The following RNF2 variants were observed in gnomAD, a reference collection of about 807,000 sequenced individuals.
The protein encoded by RNF2 is ring finger protein 2.
In RNF2, 6 loss-of-function variants were observed where a neutral mutation model predicts 37.2. That is an observed-to-expected ratio of 0.16 (90% CI 0.09 to 0.32). RNF2 has a LOEUF of 0.32. RNF2 is among the 10% of genes least tolerant of loss of function. RNF2 has a pLI of 1.00. For synonymous variants in RNF2, 133 were observed against 132.7 expected (o/e 1.00, Z -0.02); for missense variants, 251 against 404.0 (o/e 0.62, Z 3.25).
Position 185,067,504 on chromosome 1 carries a change from A to T in RNF2, c.-2-20048A>T, listed in dbSNP as rs143361528. On this transcript the variant is annotated intron_variant, in intron 1 of 6. Coordinates refer to ENST00000367510, the MANE Select transcript of RNF2 (RefSeq NM_007212.4). ...CATAAAAGGAAAAGAAAAATGCTAA[A>T]GATTGAGAGAGTTAATTTGATGTGA... Among the ~76,000 whole-genome samples, 7 of 152,310 alleles carry T rather than the reference A, an allele frequency of 4.6e-5. No homozygotes were observed. The East Asian group carries it at 1.3e-3, about 29-fold the overall frequency.
intron 4 of RNF2, among the ~76,000 whole-genome samples, chr1:185,094,845 T>C (rs1651867314): frequency 1.3e-5 from 2 of 152,236 alleles, no homozygotes; most frequent in East Asian, 1.9e-4. Flanking sequence ...GGAGAATCAT[T>C]ATTTTCCATA....
At chr1:185,074,818 T>C (rs1396190502) in intron 1 of RNF2, among the ~76,000 whole-genome samples, 1 of 152,190 alleles carries the variant, frequency 6.6e-6, no homozygotes, top group Admixed American at 6.5e-5. Context: ...TAGAGATGAT[T>C]TAAAGTACAC....
intron 3 of RNF2, 71 bp from the exon 4 acceptor site, chr1:185,092,990 G>A (rs1399630278): frequency 3.1e-6 from 4 of 1,277,032 alleles, no homozygotes; most frequent in Admixed American, 1.7e-5. Context: ...CTATCCAGAA[G>A]CTGGGTATTT....
chr1:185,100,172 A>T (rs781273101), intron 6 of RNF2, 28 bp from the exon 7 acceptor site: 2 of 1,516,660 alleles, frequency 1.3e-6, no homozygotes, highest in Admixed American at 2.1e-5. Flanking sequence ...TGCAGTTTTC[A>T]TAATTTTTTC....
chr1:185,096,536 A>T (rs971278072), intron 4 of RNF2, among the ~76,000 whole-genome samples: 4 of 151,016 alleles, frequency 2.6e-5, no homozygotes, highest in African/African-American at 9.7e-5. Flanking sequence ...CATAAGTGAA[A>T]TCGTGCTGTA....
At chr1:185,087,048 A>G (rs1189474756) in intron 1 of RNF2, among the ~76,000 whole-genome samples, 1 of 152,244 alleles carries the variant, frequency 6.6e-6, no homozygotes, top group Non-Finnish European at 1.5e-5. Flanking sequence ...TTATAAGTGT[A>G]AAGATTTTGA....
chr1:185,100,705 A>C lies in RNF2; in HGVS notation c.*404A>C, dbSNP rs2102212077. 6.5e-6 allele frequency: 1 copy of C among 153,788 alleles called. No individual in the cohort carries two copies. Among genetic ancestry groups the C allele is most frequent in the South Asian group, 2.1e-4 (1 of 4,828 alleles). 9.5% of individuals were successfully genotyped at this position (153,788 alleles called of 1,614,324 possible). A position where few individuals can be genotyped will look rare whatever the true frequency, so the allele number is the denominator to read the frequency against. On this transcript the variant is annotated 3_prime_UTR_variant, in exon 7 of 7. Coordinates refer to ENST00000367510, the MANE Select transcript of RNF2 (RefSeq NM_007212.4). ...AGAATGTTAAATATTATGTATTCTG[A>C]CTTTTTTTTTCCCCCGGAGTCTTGT...
chr1:185,074,341 GGTAGGGGTAGGATGGGACT>G (rs1312383236), intron 1 of RNF2, among the ~76,000 whole-genome samples: 2 of 152,086 alleles, frequency 1.3e-5, no homozygotes, highest in Admixed American at 6.6e-5. Context: ...CCTCTTTAGT[GGTAGGGGTAGGATGGGACT>G]GTAGGGGTAG....
At chr1:185,080,360 A>G (rs905891100) in intron 1 of RNF2, among the ~76,000 whole-genome samples, 10 of 152,238 alleles carry the variant, frequency 6.6e-5, no homozygotes, top group African/African-American at 2.4e-4. Flanking sequence ...ACTAAACAGA[A>G]GAGAAAAGAT....
In RNF2 at chr1:185,066,228, A is replaced by G. The variant is rs12080414; in HGVS notation, c.-3+20579A>G. Among the ~76,000 whole-genome samples the G allele has an allele frequency of 5.9e-3, 896 of 152,204 alleles. 6 individuals are homozygous for G. The highest frequency in any genetic ancestry group is 0.02 in the African/African-American group (837 of 41,518). On this transcript the variant is annotated intron_variant, in intron 1 of 6. Transcript: ENST00000367510. ...TGTGGATCTTTCTTGATACCTTTGT[A>G]TTGCATACTAGGCCTCACTGATCTA... is the stretch of plus-strand genomic sequence containing the variant.
chr1:185,095,799 T>C (rs1651894488), intron 4 of RNF2, among the ~76,000 whole-genome samples: 2 of 150,208 alleles, frequency 1.3e-5, no homozygotes, highest in African/African-American at 4.9e-5. Flanking sequence ...TCTACTTCTG[T>C]GTTTACAAAT....
At chr1:185,065,316 A>G (rs983199108) in intron 1 of RNF2, among the ~76,000 whole-genome samples, 4 of 152,256 alleles carry the variant, frequency 2.6e-5, no homozygotes, top group Non-Finnish European at 5.9e-5. Context: ...AAAATGGACC[A>G]ATCAGTAGGA....
chr1:185,087,271 A>G (rs1353032760), intron 1 of RNF2, among the ~76,000 whole-genome samples: 1 of 152,220 alleles, frequency 6.6e-6, no homozygotes, highest in Non-Finnish European at 1.5e-5. Flanking sequence ...GCACCAGCAG[A>G]TGCAGTGTCT....
chr1:185,096,359 A>G (rs1238509874), intron 4 of RNF2, among the ~76,000 whole-genome samples: 2 of 152,130 alleles, frequency 1.3e-5, no homozygotes, highest in Non-Finnish European at 2.9e-5. Context: ...GGCTCCTCAA[A>G]GCTGAACACT....
At chr1:185,075,027 G>A (rs1651104096) in intron 1 of RNF2, among the ~76,000 whole-genome samples, 1 of 151,982 alleles carries the variant, frequency 6.6e-6, no homozygotes, top group Non-Finnish European at 1.5e-5. Context: ...ATGGAGCCTT[G>A]CTCTGTCGCC....
rs532880742 is a variant in RNF2 at position 185,097,102 on chromosome 1, A to C, written c.465-970A>C. On this transcript the variant is annotated intron_variant, in intron 4 of 6. Coordinates refer to ENST00000367510, the MANE Select transcript of RNF2 (RefSeq NM_007212.4). ...TGTATAACTGGAGGCAAATTATTTA[A>C]TCTTGTACCTGAGTTTTCTTTGCTT... Among the ~76,000 whole-genome samples the C allele has an allele frequency of 3.3e-5, 5 of 152,270 alleles. No homozygotes were observed. The East Asian group carries it at 9.6e-4, about 29-fold the overall frequency.
chr1:185,096,833 GA>G (rs1651925839), intron 4 of RNF2, among the ~76,000 whole-genome samples: 1 of 147,808 alleles, frequency 6.8e-6, no homozygotes, highest in African/African-American at 2.5e-5. Context: ...TTATAAGCAG[GA>G]TTTTTTTTTT....
intron 1 of RNF2, among the ~76,000 whole-genome samples, chr1:185,049,933 C>G (rs1346867691): frequency 6.6e-6 from 1 of 152,216 alleles, no homozygotes; most frequent in African/African-American, 2.4e-5. Context: ...TCCCATCTTC[C>G]TGTTTTCCAG....
intron 1 of RNF2, among the ~76,000 whole-genome samples, chr1:185,057,873 G>T (rs1650481456): frequency 1.3e-5 from 2 of 151,974 alleles, no homozygotes; most frequent in African/African-American, 4.8e-5. Flanking sequence ...GGTAGCTCAT[G>T]CCTATAATCC....
Sources: gnomAD v4.1 joint callset for allele counts (sites outside exome capture counted in the v4.1 genomes callset) on GRCh38, gnomAD v4.1.1 for gene constraint, MANE v1.5 for transcripts, NCBI Gene and HGNC (gene_info 2026-07-23, HGNC 2026-07-21) for gene names.